DMD: variants seen among roughly 807,000 people sequenced by gnomAD.
DMD encodes dystrophin, also known as mutant dystrophin.
DMD carries 63 observed loss-of-function variants against 330.1 expected under a neutral mutation model. The ratio of observed to expected loss-of-function variants is 0.19; its 90% confidence interval spans 0.16 to 0.24. The LOEUF (loss-of-function observed/expected upper bound fraction) is 0.24, where lower values mean the gene tolerates loss of function less well. Ranked by LOEUF, DMD falls within the 10% of genes least tolerant of loss-of-function variation. The pLI, the probability that DMD is intolerant of heterozygous loss-of-function variation, is 1.00. For missense variants in DMD, 3,344 were observed against 2,684.1 expected (o/e 1.25, Z -5.43); for synonymous variants, 1,223 against 959.8 (o/e 1.27, Z -5.07).
intron 1 of DMD, 38 bp from the exon 2 acceptor site, chrX:33,020,238 A>G: frequency 1.0e-6 from 1 of 964,095 alleles, no homozygotes; most frequent in Non-Finnish European, 1.5e-6. Flanking sequence ...TTAGGAAGCA[A>G]CTTTAAATAT....
At chrX:32,063,804 C>A (rs966087081) in intron 44 of DMD, among the ~76,000 whole-genome samples, 2 of 110,662 alleles carry the variant, frequency 1.8e-5, no homozygotes, top group Non-Finnish European at 3.8e-5. Flanking sequence ...AGAAAGACAA[C>A]CTGGAAGTTA....
intron 62 of DMD, among the ~76,000 whole-genome samples, chrX:31,314,742 C>CAGAGACAGAGAGAGAGAGAG (rs769013334): frequency 5.4e-5 from 3 of 55,283 alleles, no homozygotes; most frequent in African/African-American, 1.7e-4. Flanking sequence ...AATACATACA[C>CAGAGACAGAGAGAGAGAGAG]AGAGAGAGAG....
At chrX:32,411,195 A>G (rs1219667543) in intron 30 of DMD, among the ~76,000 whole-genome samples, 1 of 111,503 alleles carries the variant, frequency 9.0e-6, no homozygotes, top group African/African-American at 3.3e-5. Flanking sequence ...CAGTGGTGCA[A>G]TCTCGGCTCA....
intron 47 of DMD, among the ~76,000 whole-genome samples, chrX:31,900,704 G>C (rs2094411146): frequency 9.0e-6 from 1 of 111,415 alleles, no homozygotes; most frequent in African/African-American, 3.3e-5. Context: ...GGAGGGCTCA[G>C]AAGAAAGGAA....
At position 32,965,576 on chromosome X, in the gene DMD, C is replaced by T. The variant is rs898247365; in HGVS notation, c.93+54563G>A. 4.6e-5 allele frequency among the ~76,000 whole-genome samples: 5 copies of T among 109,196 alleles called. No individual in the cohort carries two copies. The South Asian group carries it at 1.2e-3, about 26-fold the overall frequency. The allele number at this position is 109,196 out of a possible 115,157, so 94.8% of individuals were successfully genotyped here. A position where few individuals can be genotyped will look rare whatever the true frequency, so the allele number is the denominator to read the frequency against. Reference sequence around the variant, plus strand: ...GTTTAGAGTAGAAGTGATATACTTTCGGGGATTTGCCTCAAAACAGAGAAT... The same window carrying T: ...GTTTAGAGTAGAAGTGATATACTTTTGGGGATTTGCCTCAAAACAGAGAAT... On this transcript the variant is annotated intron_variant, in intron 2 of 78. Coordinates refer to ENST00000357033, the MANE Select transcript of DMD (RefSeq NM_004006.3).
rs922295509 is a variant in DMD, at chrX:33,171,411, A to T, written c.31+39871T>A. The stretch of plus-strand genomic sequence containing the variant: ...TACAGCTGGGACTTGTCCTACATTT[A>T]CTGAGAACTCTAATTTACGAAAACT... On this transcript the variant is annotated intron_variant, in intron 1 of 78. Transcript: ENST00000357033. Among the ~76,000 whole-genome samples, 5 of 111,529 alleles carry T rather than the reference A, an allele frequency of 4.5e-5. No individual in the cohort carries two copies. The East Asian group carries it at 1.4e-3, about 31-fold the overall frequency.
In DMD at chrX:32,644,228, AATTTTCCT is replaced by A; in HGVS notation, c.1227_1234del (p.Gly410IlefsTer4). 1 of 1,210,964 alleles carries A rather than the reference AATTTTCCT, an allele frequency of 8.3e-7. No homozygotes were observed. Among genetic ancestry groups the A allele is most frequent in the Non-Finnish European group, 1.1e-6 (1 of 894,872 alleles). On this transcript the variant is annotated frameshift_variant, in exon 11 of 79. Coordinates refer to ENST00000357033, the MANE Select transcript of DMD (RefSeq NM_004006.3). LOFTEE classifies it high-confidence loss of function. ...TACTTCAGTTTCTTCATCTTCTGAT[AATTTTCCT>A]GTTCCAATCAGCTTACTTCCCAATT... is the stretch of plus-strand genomic sequence containing the variant.
chrX:31,927,884 C>T (rs1320290876), intron 47 of DMD, among the ~76,000 whole-genome samples: 1 of 111,708 alleles, frequency 9.0e-6, no homozygotes, highest in East Asian at 2.8e-4. Flanking sequence ...GCTCCAGATT[C>T]ACAAAATTTC....
At chrX:33,018,210 G>A (rs746776097) in intron 2 of DMD, among the ~76,000 whole-genome samples, 6 of 111,693 alleles carry the variant, frequency 5.4e-5, no homozygotes, top group South Asian at 3.7e-4. Flanking sequence ...GGATATGCTT[G>A]ATAATAGAAT....
rs1301285111 is a variant in DMD, at chrX:31,574,186, C to T, written c.8217+53487G>A. On this transcript the variant is annotated intron_variant, in intron 55 of 78. Transcript: ENST00000357033. ...TGAGGCAGAGTCTGGCTCTGTTGCCCGGGCTGGAGTGCAGTGACTCGATCT... is the reference window on the plus strand; with the variant it reads ...TGAGGCAGAGTCTGGCTCTGTTGCCTGGGCTGGAGTGCAGTGACTCGATCT... Among the ~76,000 whole-genome samples, 9 of 99,629 alleles carry T rather than the reference C, an allele frequency of 9.0e-5. No homozygotes were observed. In the East Asian group the frequency reaches 9.4e-4, roughly 10 times the overall value. 86.5% of individuals were successfully genotyped at this position (99,629 alleles called of 115,157 possible). A position where few individuals can be genotyped will look rare whatever the true frequency, so the allele number is the denominator to read the frequency against.
intron 47 of DMD, among the ~76,000 whole-genome samples, chrX:31,878,993 T>G (rs2094011287): frequency 8.9e-6 from 1 of 111,747 alleles, no homozygotes; most frequent in South Asian, 3.7e-4. Context: ...TCCCAGGAAT[T>G]TATTTTGTAG....
chrX:31,978,580 G>C (rs770733447), intron 44 of DMD, among the ~76,000 whole-genome samples: 2 of 111,631 alleles, frequency 1.8e-5, no homozygotes, highest in South Asian at 7.5e-4. Flanking sequence ...CCCAAATAGC[G>C]TACATAACAT....
Position 31,879,971 on chromosome X carries a change from G to A in DMD, c.6913-4598C>T, listed in dbSNP as rs181760196. Reference sequence around the variant, plus strand: ...GCTCTTCATATAACATGTTCCCTGTGGTGAAAGAAAACAAACACATTCAAT... The same window carrying A: ...GCTCTTCATATAACATGTTCCCTGTAGTGAAAGAAAACAAACACATTCAAT... On this transcript the variant is annotated intron_variant, in intron 47 of 78. Transcript: ENST00000357033. Among the ~76,000 whole-genome samples the A allele has an allele frequency of 7.2e-5, 8 of 111,589 alleles. No individual in the cohort carries two copies. In the East Asian group the frequency reaches 1.1e-3, roughly 16 times the overall value.
rs372669414 is a variant in DMD at position 32,891,972 on chromosome X, C to T, written c.94-42152G>A. Reference sequence around the variant, plus strand: ...TGCATATGCCAATGAACAGTATAGCCACGTGACACAGAAATGAAGGCCACA... The same window carrying T: ...TGCATATGCCAATGAACAGTATAGCTACGTGACACAGAAATGAAGGCCACA... On this transcript the variant is annotated intron_variant, in intron 2 of 78. Coordinates refer to ENST00000357033, the MANE Select transcript of DMD (RefSeq NM_004006.3). Among the ~76,000 whole-genome samples the T allele has an allele frequency of 3.6e-5, 4 of 111,340 alleles. No individual in the cohort carries two copies. In the East Asian group the frequency reaches 8.6e-4, roughly 24 times the overall value.
intron 44 of DMD, among the ~76,000 whole-genome samples, chrX:32,051,109 C>T (rs772236656): frequency 9.7e-4 from 106 of 109,031 alleles, no homozygotes; most frequent in African/African-American, 3.4e-3. Context: ...TCACATCACC[C>T]GACTTTCAGG....
In DMD at chrX:32,174,073, GGTGA is replaced by G. The variant is rs201281189; in HGVS notation, c.6438+42839_6438+42842del. Among the ~76,000 whole-genome samples, 120 of 112,033 alleles carry G rather than the reference GGTGA, an allele frequency of 1.1e-3. 1 individual carries two copies. In the East Asian group the frequency reaches 0.031, roughly 29 times the overall value. On this transcript the variant is annotated intron_variant, in intron 44 of 78. Coordinates refer to ENST00000357033, the MANE Select transcript of DMD (RefSeq NM_004006.3). ...AAGTCTTCATAAAAATTAGAAAATT[GGTGA>G]GTAAGTCAATGAAGCATTGTCAAAG...
intron 50 of DMD, among the ~76,000 whole-genome samples, chrX:31,784,647 CT>C (rs1440347287): frequency 9.0e-6 from 1 of 111,123 alleles, no homozygotes. Flanking sequence ...GAATTTTGAT[CT>C]TTTCTAGGGC....
intron 7 of DMD, 89 bp from the exon 8 acceptor site, chrX:32,699,382 A>G: frequency 2.7e-6 from 2 of 733,583 alleles, no homozygotes; most frequent in Non-Finnish European, 4.3e-6. Context: ...TTAAAGGAAG[A>G]CGATAGATTA....
intron 2 of DMD, among the ~76,000 whole-genome samples, chrX:32,930,842 A>T (rs1168369179): frequency 9.1e-6 from 1 of 110,073 alleles, no homozygotes; most frequent in Non-Finnish European, 1.9e-5. Context: ...TTGCATACAC[A>T]AAATGCTACA....
Sources: allele counts gnomAD v4.1 joint callset (sites outside exome capture counted in the v4.1 genomes callset), GRCh38; gene constraint gnomAD v4.1.1; transcripts MANE v1.5; gene names NCBI Gene and HGNC (gene_info 2026-07-23, HGNC 2026-07-21).